EPC2: variants seen among roughly 807,000 people sequenced by gnomAD.
The protein encoded by EPC2 is enhancer of polycomb homolog 2.
A neutral mutation model predicts 92.1 loss-of-function variants in EPC2; 14 were observed. That is an observed-to-expected ratio of 0.15 (90% CI 0.10 to 0.24). The LOEUF is 0.24. EPC2 is among the 10% of genes least tolerant of loss of function. The pLI is 1.00. For missense variants in EPC2, 755 were observed against 971.5 expected (o/e 0.78, Z 2.96); for synonymous variants, 340 against 334.7 (o/e 1.02, Z -0.17).
At chr2:148,709,072 A>G (rs1008457496) in intron 2 of EPC2, among the ~76,000 whole-genome samples, 6 of 152,218 alleles carry the variant, frequency 3.9e-5, no homozygotes, top group African/African-American at 1.4e-4. Context: ...TTTGCAGATG[A>G]CATGATTATA....
chr2:148,678,569 C>T (rs1037227926), intron 1 of EPC2, among the ~76,000 whole-genome samples: 17 of 152,358 alleles, frequency 1.1e-4, no homozygotes, highest in African/African-American at 3.1e-4. Context: ...TAAGGCCCTG[C>T]GAGAAATCGA....
rs1682070313 is a variant in EPC2 at position 148,708,895 on chromosome 2, A to G, written c.313+18522A>G. On this transcript the variant is annotated intron_variant, in intron 2 of 13. Coordinates refer to ENST00000258484, the MANE Select transcript of EPC2 (RefSeq NM_015630.4). Reference sequence around the variant, plus strand: ...AAACCCACAGCCAGTATCATAGTGAATGGGCAAAAACTGGAAGTATTCCCT... The same window carrying G: ...AAACCCACAGCCAGTATCATAGTGAGTGGGCAAAAACTGGAAGTATTCCCT... Among the ~76,000 whole-genome samples, 4 of 152,192 alleles carry G rather than the reference A, an allele frequency of 2.6e-5. No homozygotes were observed. In the South Asian group the frequency reaches 8.3e-4, roughly 32 times the overall value.
chr2:148,776,655 C>T (rs755804643), intron 10 of EPC2, among the ~76,000 whole-genome samples: 1 of 152,034 alleles, frequency 6.6e-6, no homozygotes, highest in Non-Finnish European at 1.5e-5. Flanking sequence ...TTAATCCTGC[C>T]CCAGACCTGC....
In EPC2 at chr2:148,786,443, A is replaced by G; in HGVS notation, c.*66A>G. 7.9e-7 allele frequency: 1 copy of G among 1,270,174 alleles called. No homozygotes were observed. Among genetic ancestry groups the G allele is most frequent in the East Asian group, 2.5e-5 (1 of 40,804 alleles). 78.7% of individuals were successfully genotyped at this position (1,270,174 alleles called of 1,614,324 possible). A position where few individuals can be genotyped will look rare whatever the true frequency, so the allele number is the denominator to read the frequency against. On this transcript the variant is annotated 3_prime_UTR_variant, in exon 14 of 14. Transcript: ENST00000258484. ...TCATTCATATTCCAGCTGAATGCAA[A>G]AGGCAACACTCTGTGGATCACAGAG... is the stretch of plus-strand genomic sequence containing the variant.
At position 148,645,121 on chromosome 2, in the gene EPC2, A is replaced by G. The variant is rs1302464159; in HGVS notation, c.104A>G (p.Asn35Ser). 3 of 1,608,654 alleles carry G rather than the reference A, an allele frequency of 1.9e-6. No homozygotes were observed. Among genetic ancestry groups the G allele is most frequent in the East Asian group, 2.2e-5 (1 of 44,708 alleles). The change falls in exon 1 of 14, where the codon AAC (asparagine) becomes AGC (serine). Residue 35 changes from asparagine to serine, a missense_variant. Physicochemically the swap from Asn to Ser is conservative, Grantham distance 46. Coordinates refer to ENST00000258484, the MANE Select transcript of EPC2 (RefSeq NM_015630.4). ...MPDLNDCVSINRAVPQMPTGM... is the reference protein window; with the variant it reads ...MPDLNDCVSISRAVPQMPTGM... ...GATCTCAACGACTGCGTCTCCATCA[A>G]CCGGGCCGTGCCCCAGATGCCCACC...
intron 2 of EPC2, among the ~76,000 whole-genome samples, chr2:148,731,770 A>G (rs2105398180): frequency 6.6e-6 from 1 of 152,368 alleles, no homozygotes; most frequent in East Asian, 1.9e-4. Context: ...TTACATTAAA[A>G]AACACCACCA....
chr2:148,712,436 G>T (rs1459699001), intron 2 of EPC2, among the ~76,000 whole-genome samples: 1 of 152,082 alleles, frequency 6.6e-6, no homozygotes. Flanking sequence ...CACAGACAAT[G>T]TGCCACATAA....
intron 2 of EPC2, among the ~76,000 whole-genome samples, chr2:148,713,357 TATAA>T (rs1682193781): frequency 1.3e-5 from 2 of 152,146 alleles, no homozygotes; most frequent in African/African-American, 4.8e-5. Context: ...CAAAAAAATT[TATAA>T]ATAAGAAAAA....
intron 4 of EPC2, among the ~76,000 whole-genome samples, chr2:148,755,772 T>C (rs776696776): frequency 2.0e-5 from 3 of 152,214 alleles, no homozygotes; most frequent in Non-Finnish European, 4.4e-5. Flanking sequence ...GATTATTTCT[T>C]TAAGAGACTG....
At chr2:148,724,725 C>CT (rs1682458547) in intron 2 of EPC2, among the ~76,000 whole-genome samples, 1 of 151,980 alleles carries the variant, frequency 6.6e-6, no homozygotes, top group African/African-American at 2.4e-5. Context: ...TATTTGGCCA[C>CT]TTTTTTGGGA....
In EPC2 at chr2:148,762,224, C is replaced by T. The variant is rs369760617; in HGVS notation, c.815+294C>T. 6 of 202,718 alleles carry T rather than the reference C, an allele frequency of 3.0e-5. 1 individual carries two copies. The highest frequency in any genetic ancestry group is 1.4e-4 in the African/African-American group (6 of 42,712). The allele number at this position is 202,718 out of a possible 1,614,324, so 12.6% of individuals were successfully genotyped here. On this transcript the variant is annotated intron_variant, in intron 5 of 13. Transcript: ENST00000258484. Reference sequence around the variant, plus strand: ...AGAACTCTAGTGATCATATTGTTTACTTCTCTGTATTAAATTTTCTATTAA... The same window carrying T: ...AGAACTCTAGTGATCATATTGTTTATTTCTCTGTATTAAATTTTCTATTAA...
At chr2:148,673,069 C>T (rs1291262569) in intron 1 of EPC2, among the ~76,000 whole-genome samples, 1 of 152,156 alleles carries the variant, frequency 6.6e-6, no homozygotes, top group African/African-American at 2.4e-5. Context: ...TCTATGAGCT[C>T]TCCCTTGTAC....
At chr2:148,749,221 C>T (rs1184293664) in intron 3 of EPC2, among the ~76,000 whole-genome samples, 1 of 152,106 alleles carries the variant, frequency 6.6e-6, no homozygotes, top group Admixed American at 6.6e-5. Flanking sequence ...CTATAGTCCT[C>T]ATGCCGGTGG....
At chr2:148,770,454 A>AAT (rs1321787639) in intron 8 of EPC2, among the ~76,000 whole-genome samples, 2 of 152,182 alleles carry the variant, frequency 1.3e-5, no homozygotes. Context: ...GAAGCCTACA[A>AAT]ATTACTATGT....
intron 1 of EPC2, among the ~76,000 whole-genome samples, chr2:148,674,085 G>A (rs149862264): frequency 6.6e-6 from 1 of 152,082 alleles, no homozygotes. Flanking sequence ...GAAAAAACAG[G>A]CATCTCTCCC....
chr2:148,653,250 T>C lies in EPC2; in HGVS notation c.153+8080T>C, dbSNP rs531797369. Among the ~76,000 whole-genome samples, 159 of 152,324 alleles carry C rather than the reference T, an allele frequency of 1.0e-3. 1 individual carries two copies. Among genetic ancestry groups the C allele is most frequent in the Admixed American group, 5.0e-3 (77 of 15,310 alleles). On this transcript the variant is annotated intron_variant, in intron 1 of 13. Coordinates refer to ENST00000258484, the MANE Select transcript of EPC2 (RefSeq NM_015630.4). ...TCACTTGGATTGAGTTTCGTTGTAT[T>C]GGTAAACAATGCAGCTCTGCATCTT...
chr2:148,762,807 A>G lies in EPC2; in HGVS notation c.948+5A>G. 1 of 1,598,524 alleles carries G rather than the reference A, an allele frequency of 6.3e-7. No individual in the cohort carries two copies. Among genetic ancestry groups the G allele is most frequent in the Non-Finnish European group, 8.5e-7 (1 of 1,174,464 alleles). ...GTTCAAGAATGTAAAACTAAGGTGAATATTGTCTGGGAAGAAGCATGTATG... is the reference window on the plus strand; with the variant it reads ...GTTCAAGAATGTAAAACTAAGGTGAGTATTGTCTGGGAAGAAGCATGTATG... On this transcript the variant is annotated splice_donor_5th_base_variant and intron_variant, in intron 6 of 13. Transcript: ENST00000258484.
intron 2 of EPC2, chr2:148,691,429 T>C (rs1403475384): frequency 9.9e-6 from 13 of 1,309,648 alleles, no homozygotes; most frequent in Non-Finnish European, 1.3e-5. Flanking sequence ...GTCTGGTGAT[T>C]TGTATTTTTA....
In EPC2 at chr2:148,679,243, A is replaced by G. The variant is rs562932405; in HGVS notation, c.154-10971A>G. Among the ~76,000 whole-genome samples, 4 of 152,300 alleles carry G rather than the reference A, an allele frequency of 2.6e-5. No homozygotes were observed. The East Asian group carries it at 5.8e-4, about 22-fold the overall frequency. ...TCAGCATTACTAGGACAGGTTTTTC[A>G]TCTTTATACTAACACTCTTCTCTAG... On this transcript the variant is annotated intron_variant, in intron 1 of 13. Coordinates refer to ENST00000258484, the MANE Select transcript of EPC2 (RefSeq NM_015630.4).
Sources: gnomAD v4.1 joint callset for allele counts (sites outside exome capture counted in the v4.1 genomes callset) on GRCh38, gnomAD v4.1.1 for gene constraint, MANE v1.5 for transcripts, NCBI Gene and HGNC (gene_info 2026-07-23, HGNC 2026-07-21) for gene names.